Variants in RALGAPA1 observed in about 807,000 individuals in gnomAD.
RALGAPA1 encodes ral GTPase-activating protein subunit alpha-1.
Under a neutral mutation model 269.6 loss-of-function variants are expected in RALGAPA1, and 52 were observed. The observed-to-expected ratio is 0.19, with a 90% CI of 0.15 to 0.24. RALGAPA1 has a LOEUF of 0.24. Ranked by LOEUF, RALGAPA1 falls within the 10% of genes least tolerant of loss-of-function variation. The pLI is 1.00. For synonymous variants in RALGAPA1, 817 were observed against 1,008.3 expected (o/e 0.81, Z 3.60); for missense variants, 1,917 against 3,013.9 (o/e 0.64, Z 8.52).
At position 35,539,265 on chromosome 14, in the gene RALGAPA1, G is replaced by C. The variant is rs1311618520; in HGVS notation, c.*449C>G. 5.0e-6 allele frequency: 1 copy of C among 201,048 alleles called. No individual in the cohort carries two copies. Among genetic ancestry groups the C allele is most frequent in the Non-Finnish European group, 9.8e-6 (1 of 101,700 alleles). The allele number at this position is 201,048 out of a possible 1,614,324, so 12.5% of individuals were successfully genotyped here. Reference sequence around the variant, plus strand: ...ATGAAATTAAAGATAAAACTACTTAGACATAATTATCTAGGAAGGTAAAGG... The same window carrying C: ...ATGAAATTAAAGATAAAACTACTTACACATAATTATCTAGGAAGGTAAAGG... On this transcript the variant is annotated 3_prime_UTR_variant, in exon 42 of 42. Coordinates refer to ENST00000680220, the MANE Select transcript of RALGAPA1 (RefSeq NM_001346249.2).
chr14:35,676,080 T>C (rs2064915364), intron 22 of RALGAPA1: 1 of 152,236 alleles, frequency 6.6e-6, no homozygotes, highest in South Asian at 2.1e-4. Context: ...TTATTGCTAA[T>C]GCCTCCCTAC....
At chr14:35,788,262 C>T (rs1018971257) in intron 1 of RALGAPA1, among the ~76,000 whole-genome samples, 3 of 152,172 alleles carry the variant, frequency 2.0e-5, no homozygotes, top group Non-Finnish European at 4.4e-5. Flanking sequence ...TCAGCCACTG[C>T]ACCTGGTACT....
In RALGAPA1 at chr14:35,738,664, T is replaced by C; in HGVS notation, c.1450-14A>G. The C allele has an allele frequency of 6.3e-7, 1 of 1,597,376 alleles. No individual in the cohort carries two copies. The highest frequency in any genetic ancestry group is 8.5e-7 in the Non-Finnish European group (1 of 1,174,204). On this transcript the variant is annotated splice_polypyrimidine_tract_variant and intron_variant, in intron 11 of 41. Coordinates refer to ENST00000680220, the MANE Select transcript of RALGAPA1 (RefSeq NM_001346249.2). ...GGTCCCATTTTCCTGAAGCAAAATA[T>C]CAAGTTTTTAATATTTCATTACTAA... is the stretch of plus-strand genomic sequence containing the variant.
chr14:35,699,064 T>C (rs1349835951), intron 17 of RALGAPA1, among the ~76,000 whole-genome samples: 1 of 152,204 alleles, frequency 6.6e-6, no homozygotes, highest in Non-Finnish European at 1.5e-5. Flanking sequence ...CATTCATCAA[T>C]ACTTACTGGA....
At position 35,689,079 on chromosome 14, in the gene RALGAPA1, C is replaced by T. The variant is rs1016290778; in HGVS notation, c.3332G>A (p.Arg1111His). Residue 1111 changes from arginine (R) to histidine (H), a missense_variant, in exon 18 of 42, where the codon CGC (arginine) becomes CAC (histidine). Around this residue, in one of 11 missense-constraint regions of RALGAPA1, gnomAD observed 615 missense variants for 790.0 expected, o/e 0.78. Transcript: ENST00000680220. ...KKATLKAPVNRRMPHVTSTSK... is the reference protein window; with the variant it reads ...KKATLKAPVNHRMPHVTSTSK... ...AGTACTTGTAACATGAGGCATTCTG[C>T]GGTTAACAGGTGCTTTTAGTGTTGC... 3.9e-5 allele frequency: 48 copies of T among 1,236,314 alleles called. No individual in the cohort carries two copies. The highest frequency in any genetic ancestry group is 2.0e-4 in the South Asian group (5 of 24,694). 76.6% of individuals were successfully genotyped at this position (1,236,314 alleles called of 1,614,324 possible).
rs187243913 is a variant in RALGAPA1, at chr14:35,559,372, C to T, written c.7497-10138G>A. The stretch of plus-strand genomic sequence containing the variant: ...AATCCCGAAATAGCATCTGAATCTA[C>T]AGTTGTTTTCATATTTAAAGAGTAG... On this transcript the variant is annotated intron_variant, in intron 39 of 41. Transcript: ENST00000680220. 2.6e-3 allele frequency among the ~76,000 whole-genome samples: 391 copies of T among 152,154 alleles called. 2 individuals are homozygous for T. The highest frequency in any genetic ancestry group is 9.1e-3 in the African/African-American group (378 of 41,494).
chr14:35,664,752 C>G lies in RALGAPA1; in HGVS notation c.5218G>C (p.Ala1740Pro). Reference protein sequence around the residue: ...SAFLNAPRVEAQVLLGSLVCF... With the variant: ...SAFLNAPRVEPQVLLGSLVCF... ...ACCAAAGATCCCAGAAGAACTTGTG[C>G]TTCTACTCTTGGTGCCTATGTATCA... The change falls in exon 27 of 42, where the codon GCA becomes CCA. Residue 1740 changes from alanine to proline, a missense_variant. Physicochemically the swap from Ala to Pro is conservative, Grantham distance 27. Transcript: ENST00000680220. 3.1e-6 allele frequency: 5 copies of G among 1,610,314 alleles called. No individual in the cohort carries two copies. The highest frequency in any genetic ancestry group is 4.2e-6 in the Non-Finnish European group (5 of 1,179,050).
intron 3 of RALGAPA1, among the ~76,000 whole-genome samples, chr14:35,773,964 A>G (rs2074829745): frequency 6.6e-6 from 1 of 152,152 alleles, no homozygotes; most frequent in South Asian, 2.1e-4. Flanking sequence ...CTTGCCCAAG[A>G]GTGCAGTGGC....
At chr14:35,712,926 CT>C (rs1200851331) in intron 16 of RALGAPA1, among the ~76,000 whole-genome samples, 1 of 152,078 alleles carries the variant, frequency 6.6e-6, no homozygotes, top group African/African-American at 2.4e-5. Flanking sequence ...TAAATGAAGT[CT>C]AGTAATGTGG....
chr14:35,588,264 T>C (rs1956482503), intron 37 of RALGAPA1, among the ~76,000 whole-genome samples: 1 of 152,236 alleles, frequency 6.6e-6, no homozygotes, highest in African/African-American at 2.4e-5. Context: ...GCCTAAAATT[T>C]GTCTTATTTG....
intron 11 of RALGAPA1, among the ~76,000 whole-genome samples, chr14:35,741,896 G>A (rs978779334): frequency 1.3e-5 from 2 of 152,106 alleles, no homozygotes; most frequent in African/African-American, 4.8e-5. Flanking sequence ...ACCAAGTCAA[G>A]AAGTTTCACA....
intron 39 of RALGAPA1, among the ~76,000 whole-genome samples, chr14:35,550,619 A>G (rs768978688): frequency 1.8e-4 from 27 of 152,326 alleles, no homozygotes; most frequent in Non-Finnish European, 3.1e-4. Context: ...AAAAAAAAGT[A>G]TAAGAGTTAA....
chr14:35,626,816 G>A (rs551088300), intron 34 of RALGAPA1, among the ~76,000 whole-genome samples: 1 of 151,804 alleles, frequency 6.6e-6, no homozygotes, highest in African/African-American at 2.4e-5. Flanking sequence ...AAAATTATTA[G>A]GCTTACATGA....
intron 1 of RALGAPA1, among the ~76,000 whole-genome samples, chr14:35,789,800 T>A (rs1333969518): frequency 6.6e-6 from 1 of 152,154 alleles, no homozygotes; most frequent in Non-Finnish European, 1.5e-5. Context: ...AGGTAGGATT[T>A]GGTTACATAA....
chr14:35,677,116 C>T (rs1450456725), intron 22 of RALGAPA1: 1 of 152,212 alleles, frequency 6.6e-6, no homozygotes, highest in African/African-American at 2.4e-5. Context: ...AGGCGGGTCA[C>T]TTGAGCTCAG....
At chr14:35,613,764 C>T (rs1048279062) in intron 35 of RALGAPA1, among the ~76,000 whole-genome samples, 2 of 152,150 alleles carry the variant, frequency 1.3e-5, no homozygotes, top group South Asian at 4.1e-4. Flanking sequence ...GCAGTGTGAC[C>T]TCATCATAAC....
At chr14:35,765,032 C>T (rs2074032611) in intron 4 of RALGAPA1, among the ~76,000 whole-genome samples, 1 of 152,136 alleles carries the variant, frequency 6.6e-6, no homozygotes, top group Non-Finnish European at 1.5e-5. Context: ...GTGGGTGGAA[C>T]AGAATTTGTT....
intron 35 of RALGAPA1, 37 bp downstream of exon 35, chr14:35,625,324 G>T: frequency 7.6e-7 from 1 of 1,323,582 alleles, no homozygotes; most frequent in South Asian, 1.2e-5. Flanking sequence ...AAATACCTGA[G>T]AGTTGCTAGT....
chr14:35,588,323 T>C (rs1278652255), intron 37 of RALGAPA1, among the ~76,000 whole-genome samples: 1 of 152,216 alleles, frequency 6.6e-6, no homozygotes, highest in African/African-American at 2.4e-5. Flanking sequence ...TCTTTTAAAA[T>C]AATTAAGGGC....
Sources: gnomAD v4.1 joint callset for allele counts (sites outside exome capture counted in the v4.1 genomes callset) on GRCh38, gnomAD v4.1.1 for gene constraint, gnomAD v4.1.1 regional missense constraint, MANE v1.5 for transcripts, NCBI Gene and HGNC (gene_info 2026-07-23, HGNC 2026-07-21) for gene names.